Variants in RPL5 observed in about 807,000 individuals in gnomAD.
RPL5 encodes large ribosomal subunit protein uL18.
A neutral mutation model predicts 38.4 loss-of-function variants in RPL5; 1 was observed. The observed-to-expected ratio is 0.03, with a 90% confidence interval of 0.01 to 0.12. The LOEUF (loss-of-function observed/expected upper bound fraction) is 0.12, where lower values mean the gene tolerates loss of function less well. Among genes scored for constraint, RPL5 ranks in the 10% least tolerant of loss-of-function variants. The pLI, the probability that RPL5 is intolerant of heterozygous loss-of-function variation, is 1.00. For missense variants in RPL5, 243 were observed against 374.1 expected (o/e 0.65, Z 2.89); for synonymous variants, 109 against 121.2 (o/e 0.90, Z 0.66).
chr1:92,835,265 C>T (rs1228544986), intron 4 of RPL5: 4 of 363,502 alleles, frequency 1.1e-5, no homozygotes, highest in Non-Finnish European at 2.1e-5. Flanking sequence ...TGTTGGCAAA[C>T]ATTAAAAATG....
rs535694254 is a variant in RPL5, at chr1:92,832,071, G to T, written c.-44G>T. ...CCCACCCCCTAGCGCCGCTGGGCCT[G>T]CAGGTCTCTGTCGAGCAGCGGACGC... is the stretch of plus-strand genomic sequence containing the variant. On this transcript the variant is annotated 5_prime_UTR_variant, in exon 1 of 8. Coordinates refer to ENST00000370321, the MANE Select transcript of RPL5 (RefSeq NM_000969.5). The T allele has an allele frequency of 6.2e-7, 1 of 1,613,542 alleles. No individual in the cohort carries two copies. The highest frequency in any genetic ancestry group is 1.1e-5 in the South Asian group (1 of 90,954).
Position 92,839,432 on chromosome 1 carries a change from C to G in RPL5, c.706-1119C>G, listed in dbSNP as rs181221408. ...GGAAAACTTCTGACATCTTTCTGGT[C>G]TAGAGGCCTTATATTACCACTAGAT... On this transcript the variant is annotated intron_variant, in intron 6 of 7. Transcript: ENST00000370321. Among the ~76,000 whole-genome samples, 398 of 152,200 alleles carry G rather than the reference C, an allele frequency of 2.6e-3. 2 individuals are homozygous for G. The highest frequency in any genetic ancestry group is 9.4e-3 in the African/African-American group (389 of 41,530).
intron 7 of RPL5, chr1:92,840,848 A>C (rs761643361): frequency 8.7e-6 from 6 of 690,396 alleles, no homozygotes; most frequent in South Asian, 8.2e-5. Context: ...ATCCTAGTAC[A>C]GTCTAAGTAC....
Position 92,832,084 on chromosome 1 carries a change from G to A in RPL5, c.-31G>A. 1 of 1,613,860 alleles carries A rather than the reference G, an allele frequency of 6.2e-7. No individual in the cohort carries two copies. The highest frequency in any genetic ancestry group is 8.5e-7 in the Non-Finnish European group (1 of 1,179,894). On this transcript the variant is annotated 5_prime_UTR_variant, in exon 1 of 8. Coordinates refer to ENST00000370321, the MANE Select transcript of RPL5 (RefSeq NM_000969.5). ...GCCGCTGGGCCTGCAGGTCTCTGTC[G>A]AGCAGCGGACGCCGGTCTCTGTTCC... is the stretch of plus-strand genomic sequence containing the variant.
At chr1:92,840,763 G>A (rs755092226) in intron 7 of RPL5, 124 bp downstream of exon 7, 2 of 783,046 alleles carry the variant, frequency 2.6e-6, no homozygotes, top group Non-Finnish European at 4.6e-6. Context: ...CAGAAGCGAA[G>A]GGAACCAGGT....
chr1:92,838,619 G>A (rs557352383), intron 6 of RPL5, among the ~76,000 whole-genome samples: 1 of 152,300 alleles, frequency 6.6e-6, no homozygotes, highest in African/African-American at 2.4e-5. Flanking sequence ...ATCCTCCTGT[G>A]TGCCTGCTGA....
intron 1 of RPL5, chr1:92,832,991 G>A (rs1372449490): frequency 2.7e-6 from 2 of 735,282 alleles, no homozygotes; most frequent in South Asian, 2.9e-5. Context: ...TTGCTGTCTG[G>A]AGCAGTGCTT....
In RPL5 at chr1:92,841,908, C is replaced by A; in HGVS notation, c.*43C>A. 1 of 1,404,364 alleles carries A rather than the reference C, an allele frequency of 7.1e-7. No homozygotes were observed. The highest frequency in any genetic ancestry group is 1.0e-6 in the Non-Finnish European group (1 of 995,560). 87.0% of individuals were successfully genotyped at this position (1,404,364 alleles called of 1,614,324 possible). On this transcript the variant is annotated 3_prime_UTR_variant, in exon 8 of 8. Transcript: ENST00000370321. ...GATTTTTTCAGATATAGATAATAAA[C>A]TTATGAACAGCAACTATTTCTGTGT...
chr1:92,837,990 A>C (rs1687193456), intron 6 of RPL5, among the ~76,000 whole-genome samples: 1 of 152,346 alleles, frequency 6.6e-6, no homozygotes, highest in Admixed American at 6.5e-5. Flanking sequence ...GGACTTTCCC[A>C]TTATCTCAGA....
rs189685066 is a variant in RPL5 at position 92,834,174 on chromosome 1, G to T, written c.189+514G>T. Among the ~76,000 whole-genome samples the T allele has an allele frequency of 2.3e-4, 35 of 152,238 alleles. 1 individual carries two copies. The highest frequency in any genetic ancestry group is 2.0e-3 in the Admixed American group (31 of 15,298). ...CATCCCAATTCCAGTAGAAGAATAG[G>T]GTTTGTCCTGATTTTTCCTATATGG... On this transcript the variant is annotated intron_variant, in intron 3 of 7. Coordinates refer to ENST00000370321, the MANE Select transcript of RPL5 (RefSeq NM_000969.5).
At chr1:92,832,947 G>A (rs1313333926) in intron 1 of RPL5, 8 of 710,080 alleles carry the variant, frequency 1.1e-5, no homozygotes, top group Admixed American at 2.0e-5. Flanking sequence ...GGGACATAGC[G>A]TGTTCCGAAC....
intron 1 of RPL5, 134 bp downstream of exon 1, chr1:92,832,251 G>C: frequency 7.0e-7 from 1 of 1,419,666 alleles, no homozygotes. Flanking sequence ...ACTTGGTCGA[G>C]GTGCAGTTCC....
chr1:92,832,385 G>A lies in RPL5; in HGVS notation c.3+268G>A, dbSNP rs574203674. The A allele has an allele frequency of 1.7e-5, 10 of 605,094 alleles. No individual in the cohort carries two copies. The East Asian group carries it at 2.9e-4, about 17-fold the overall frequency. The allele number at this position is 605,094 out of a possible 1,614,324, so 37.5% of individuals were successfully genotyped here. ...GGTGAGTTTAGTAGACAGCCTGAGT[G>A]CGGATACTGCCGTCTAGTGTGAGGG... On this transcript the variant is annotated intron_variant, in intron 1 of 7. Transcript: ENST00000370321.
chr1:92,841,018 A>G (rs1435039597), intron 7 of RPL5, among the ~76,000 whole-genome samples: 1 of 152,262 alleles, frequency 6.6e-6, no homozygotes, highest in Non-Finnish European at 1.5e-5. Flanking sequence ...CAATGTATTT[A>G]ACATATTCAC....
intron 1 of RPL5, 60 bp from the exon 2 acceptor site, chr1:92,833,329 A>G: frequency 7.5e-7 from 1 of 1,331,362 alleles, no homozygotes; most frequent in South Asian, 1.2e-5. Flanking sequence ...TGGTTAATTT[A>G]TGTCAAAAGT....
chr1:92,832,680 A>G (rs1686956207), intron 1 of RPL5: 1 of 354,698 alleles, frequency 2.8e-6, no homozygotes, highest in Admixed American at 4.4e-5. Context: ...AGCTCCTTTA[A>G]CATGGAATAC....
chr1:92,840,802 G>T (rs1232906685), intron 7 of RPL5, 163 bp downstream of exon 7: 1 of 735,320 alleles, frequency 1.4e-6, no homozygotes, highest in African/African-American at 1.7e-5. Flanking sequence ...TGATGGAAAT[G>T]TGTTAGCCTC....
intron 7 of RPL5, 25 bp downstream of exon 7, chr1:92,840,664 T>C: frequency 1.3e-6 from 2 of 1,575,722 alleles, no homozygotes; most frequent in Non-Finnish European, 1.7e-6. Flanking sequence ...TTTTTGTCTT[T>C]TCAAGAAAAC....
intron 4 of RPL5, 125 bp downstream of exon 4, chr1:92,835,038 T>C: frequency 7.3e-7 from 1 of 1,377,888 alleles, no homozygotes; most frequent in African/African-American, 1.4e-5. Context: ...GCTTCCAGTT[T>C]TCTGCTTTGT....
Sources: gnomAD v4.1 joint callset for allele counts (sites outside exome capture counted in the v4.1 genomes callset) on GRCh38, gnomAD v4.1.1 for gene constraint, MANE v1.5 for transcripts, NCBI Gene and HGNC (gene_info 2026-07-23, HGNC 2026-07-21) for gene names.